Variants in C7 observed in about 807,000 individuals in gnomAD.
C7 encodes the protein complement C7.
In C7, 83 loss-of-function variants were observed where a neutral mutation model predicts 104.8. That is an observed-to-expected ratio of 0.79 (90% CI 0.66 to 0.95). The LOEUF (loss-of-function observed/expected upper bound fraction) is 0.95. Among genes scored for constraint, C7 ranks in the 40% least tolerant of loss-of-function variants. The pLI is 0.00. For synonymous variants in C7, 415 were observed against 360.6 expected (o/e 1.15, Z -1.71); for missense variants, 1,070 against 1,011.2 (o/e 1.06, Z -0.79).
At chr5:40,938,343 C>T (rs6895963) in intron 6 of C7, among the ~76,000 whole-genome samples, 68,857 of 151,860 alleles carry the variant, frequency 0.45, 16,100 homozygotes, top group African/African-American at 0.59. Context: ...CCTATTTTTT[C>T]CATTTGTATA....
At chr5:40,911,026 T>G (rs1177447521) in intron 1 of C7, 1 of 152,128 alleles carries the variant, frequency 6.6e-6, no homozygotes, top group Admixed American at 6.6e-5. Context: ...TGACAAAATA[T>G]CAACAAATAA....
In C7 at chr5:40,958,144, C is replaced by T. The variant is rs201260295; in HGVS notation, c.1372C>T (p.Arg458Trp). 133 of 1,613,774 alleles carry T rather than the reference C, an allele frequency of 8.2e-5. No homozygotes were observed. Among genetic ancestry groups the T allele is most frequent in the Middle Eastern group, 5.0e-4 (3 of 6,060 alleles). Residue 458 changes from arginine to tryptophan, a missense_variant, in exon 11 of 18, where the codon CGG (arginine) becomes TGG (tryptophan). By Grantham distance (101) the Arg-to-Trp change is moderately radical. Coordinates refer to ENST00000313164, the MANE Select transcript of C7 (RefSeq NM_000587.4). The part of the protein sequence containing the change: ...YLDEFDPCHC[R>W]PCQNGGLATV... Reference sequence around the variant, plus strand: ...GGATGAATTTGACCCCTGTCATTGCCGGCCTTGTCAAAATGGTGGTTTGGC... The same window carrying T: ...GGATGAATTTGACCCCTGTCATTGCTGGCCTTGTCAAAATGGTGGTTTGGC...
intron 1 of C7, among the ~76,000 whole-genome samples, chr5:40,916,677 G>C (rs559145727): frequency 6.6e-6 from 1 of 152,208 alleles, no homozygotes; most frequent in Non-Finnish European, 1.5e-5. Flanking sequence ...GTAGGAGATA[G>C]AGTTTGACAG....
At chr5:40,950,796 A>G (rs1011948226) in intron 9 of C7, among the ~76,000 whole-genome samples, 1 of 152,154 alleles carries the variant, frequency 6.6e-6, no homozygotes, top group Non-Finnish European at 1.5e-5. Flanking sequence ...ACTTGCTGAC[A>G]TGGCTACTCC....
intron 5 of C7, among the ~76,000 whole-genome samples, chr5:40,936,804 G>A (rs1739827222): frequency 6.6e-6 from 1 of 152,008 alleles, no homozygotes; most frequent in South Asian, 2.1e-4. Context: ...GAGGGAGAGA[G>A]AGAGAAAAAA....
At chr5:40,945,873 T>A (rs1450651890) in intron 7 of C7, among the ~76,000 whole-genome samples, 2 of 46,846 alleles carry the variant, frequency 4.3e-5, no homozygotes, top group Non-Finnish European at 8.1e-5. Flanking sequence ...CAAAAAAAAA[T>A]ACATATATAT....
At chr5:40,940,596 C>A (rs1276018969) in intron 6 of C7, among the ~76,000 whole-genome samples, 1 of 152,200 alleles carries the variant, frequency 6.6e-6, no homozygotes, top group South Asian at 2.1e-4. Context: ...GCTGCATTAT[C>A]TAAGCCTTTG....
chr5:40,958,066 C>T lies in C7; in HGVS notation c.1294C>T (p.Pro432Ser), dbSNP rs1484299527. The T allele has an allele frequency of 5.0e-6, 8 of 1,613,322 alleles. No homozygotes were observed. Among genetic ancestry groups the T allele is most frequent in the South Asian group, 4.4e-5 (4 of 91,048 alleles). The change falls in exon 11 of 18, where the codon CCT becomes TCT. Residue 432 changes from proline to serine, a missense_variant. By Grantham distance (74) the Pro-to-Ser change is moderately conservative. Coordinates refer to ENST00000313164, the MANE Select transcript of C7 (RefSeq NM_000587.4). ...TTTATATGAGCTGGTAAAGGAAGTA[C>T]CTTGTGCCTCTGTGAAAAAACTATA... ...TPLYELVKEV[P>S]CASVKKLYLK...
intron 9 of C7, among the ~76,000 whole-genome samples, chr5:40,953,604 G>A (rs1181895386): frequency 9.2e-5 from 12 of 129,884 alleles, no homozygotes. Flanking sequence ...TAGTGCCACT[G>A]CACTGCAGCC....
intron 6 of C7, among the ~76,000 whole-genome samples, chr5:40,941,720 G>A (rs1347759093): frequency 6.6e-6 from 1 of 152,170 alleles, no homozygotes; most frequent in East Asian, 1.9e-4. Flanking sequence ...ATGGGTTTCT[G>A]ACTTGGACCA....
chr5:40,924,954 T>G (rs1739520755), intron 1 of C7, among the ~76,000 whole-genome samples: 1 of 152,222 alleles, frequency 6.6e-6, no homozygotes, highest in Non-Finnish European at 1.5e-5. Context: ...CTAAAGTGCC[T>G]TCGGGGCCTC....
intron 1 of C7, among the ~76,000 whole-genome samples, chr5:40,921,529 C>T (rs1431193381): frequency 1.3e-5 from 2 of 151,746 alleles, no homozygotes; most frequent in Admixed American, 6.6e-5. Flanking sequence ...CTGGAGGTAT[C>T]ACACTACCTG....
rs370224642 is a variant in C7, at chr5:40,964,916, C to T, written c.1882+43C>T. On this transcript the variant is annotated intron_variant, in intron 14 of 17. Transcript: ENST00000313164. ...TATATAATTTAAGATGAGAAAATTA[C>T]GTGGAAGAGAATGAATCAAGATAAA... The T allele has an allele frequency of 3.8e-5, 61 of 1,603,480 alleles. No homozygotes were observed. The Admixed American group carries it at 5.2e-4, about 14-fold the overall frequency.
At position 40,974,214 on chromosome 5, in the gene C7, C is replaced by T. The variant is rs192180770; in HGVS notation, c.2074+1620C>T. 1.5e-3 allele frequency among the ~76,000 whole-genome samples: 229 copies of T among 152,148 alleles called. 2 individuals are homozygous for T. Among genetic ancestry groups the T allele is most frequent in the African/African-American group, 5.3e-3 (221 of 41,512 alleles). Reference sequence around the variant, plus strand: ...CCATTAAACATTAATTCCTCACTTTCCCCTACTGTCCCCGTAGTTAGTCTT... The same window carrying T: ...CCATTAAACATTAATTCCTCACTTTTCCCTACTGTCCCCGTAGTTAGTCTT... On this transcript the variant is annotated intron_variant, in intron 15 of 17. Transcript: ENST00000313164.
chr5:40,922,679 T>C (rs1445431907), intron 1 of C7, among the ~76,000 whole-genome samples: 4 of 133,540 alleles, frequency 3.0e-5, no homozygotes, highest in African/African-American at 8.7e-5. Context: ...CCAGCCTGGG[T>C]GACAGAGTGA....
At chr5:40,922,126 C>G (rs770584155) in intron 1 of C7, among the ~76,000 whole-genome samples, 4 of 151,868 alleles carry the variant, frequency 2.6e-5, no homozygotes, top group Admixed American at 6.6e-5. Context: ...CCTGTAATCC[C>G]AGCACTTTGG....
In C7 at chr5:40,972,555, T is replaced by C; in HGVS notation, c.2035T>C (p.Trp679Arg). Reference protein sequence around the residue: ...SAFLCGSSLKWSPEMKNARCV... With the variant: ...SAFLCGSSLKRSPEMKNARCV... Reference sequence around the variant, plus strand: ...ATTTCTCTGTGGCTCCAGCCTTAAGTGGAGTCCTGAGATGAAGAATGCCCG... The same window carrying C: ...ATTTCTCTGTGGCTCCAGCCTTAAGCGGAGTCCTGAGATGAAGAATGCCCG... The change falls in exon 15 of 18, where the codon TGG becomes CGG. Residue 679 changes from tryptophan (W) to arginine (R), a missense_variant. Transcript: ENST00000313164. 1 of 1,612,376 alleles carries C rather than the reference T, an allele frequency of 6.2e-7. No homozygotes were observed. The highest frequency in any genetic ancestry group is 8.5e-7 in the Non-Finnish European group (1 of 1,179,180).
At chr5:40,978,143 A>T (rs1219498041) in intron 16 of C7, among the ~76,000 whole-genome samples, 3 of 133,250 alleles carry the variant, frequency 2.3e-5, no homozygotes, top group African/African-American at 8.7e-5. Context: ...TCAAAAAGAA[A>T]AAAAAAAAAA....
At chr5:40,942,183 T>G (rs1026077564) in intron 6 of C7, among the ~76,000 whole-genome samples, 1 of 152,136 alleles carries the variant, frequency 6.6e-6, no homozygotes, top group Non-Finnish European at 1.5e-5. Flanking sequence ...TTAATTATAG[T>G]CAACTCATTT....
Sources: gnomAD v4.1 joint callset for allele counts (sites outside exome capture counted in the v4.1 genomes callset) on GRCh38, gnomAD v4.1.1 for gene constraint, MANE v1.5 for transcripts, NCBI Gene and HGNC (gene_info 2026-07-23, HGNC 2026-07-21) for gene names.